PPP1R12A: variants seen among roughly 807,000 people sequenced by gnomAD.
The protein encoded by PPP1R12A is protein phosphatase 1 regulatory subunit 12A.
PPP1R12A carries 19 observed loss-of-function variants against 139.6 expected under a neutral mutation model. The ratio of observed to expected loss-of-function variants is 0.14; its 90% CI spans 0.09 to 0.20. The LOEUF (loss-of-function observed/expected upper bound fraction) is 0.20, where lower values mean the gene tolerates loss of function less well. PPP1R12A is among the 10% of genes least tolerant of loss of function. PPP1R12A has a pLI of 1.00. For synonymous variants in PPP1R12A, 427 were observed against 420.6 expected (o/e 1.02, Z -0.19); for missense variants, 925 against 1,211.5 (o/e 0.76, Z 3.51).
At chr12:79,897,461 T>C (rs1019253993) in intron 1 of PPP1R12A, among the ~76,000 whole-genome samples, 23 of 151,986 alleles carry the variant, frequency 1.5e-4, no homozygotes, top group Admixed American at 2.0e-4. Context: ...ACCTGGGTAA[T>C]AGATACATCA....
At chr12:79,890,905 C>CCCCACA (rs1555235834) in intron 1 of PPP1R12A, among the ~76,000 whole-genome samples, 7 of 115,682 alleles carry the variant, frequency 6.1e-5, no homozygotes, top group Admixed American at 8.8e-5. Flanking sequence ...CCACACCCAC[C>CCCCACA]CACACACACA....
At chr12:79,793,827 T>C in intron 19 of PPP1R12A, 36 bp downstream of exon 19, 3 of 1,458,758 alleles carry the variant, frequency 2.1e-6, no homozygotes, top group South Asian at 1.2e-5. Flanking sequence ...TTAAAAAATA[T>C]GAATACTTCT....
intron 9 of PPP1R12A, among the ~76,000 whole-genome samples, chr12:79,810,724 A>C (rs1874421110): frequency 7.2e-6 from 1 of 139,054 alleles, no homozygotes; most frequent in Non-Finnish European, 1.5e-5. Context: ...TAAACTTCTA[A>C]AGCAATTAAA....
rs551902610 is a variant in PPP1R12A at position 79,828,607 on chromosome 12, C to T, written c.648-143G>A. 4 of 677,992 alleles carry T rather than the reference C, an allele frequency of 5.9e-6. No homozygotes were observed. In the African/African-American group the frequency reaches 7.3e-5, roughly 12 times the overall value. The allele number at this position is 677,992 out of a possible 1,614,324, so 42.0% of individuals were successfully genotyped here. A position where few individuals can be genotyped will look rare whatever the true frequency, so the allele number is the denominator to read the frequency against. ...ACATCCTTCCCCCTCAATGAATTAA[C>T]TATGGCAAATACAAAGTAATTCTCA... On this transcript the variant is annotated intron_variant, in intron 4 of 24. Transcript: ENST00000450142.
intron 1 of PPP1R12A, among the ~76,000 whole-genome samples, chr12:79,886,134 T>C (rs182441395): frequency 1.8e-3 from 271 of 152,310 alleles, no homozygotes; most frequent in Middle Eastern, 3.4e-3. Flanking sequence ...AGGAACTGAA[T>C]TGGATACTGT....
At chr12:79,935,253 G>C, upstream of PPP1R12A, 1 of 1,141,742 alleles carries the variant, frequency 8.8e-7, no homozygotes, top group African/African-American at 1.6e-5. Context: ...CCCTGGGCCT[G>C]TGCCCGCCCC....
intron 17 of PPP1R12A, 89 bp from the exon 18 acceptor site, chr12:79,795,848 CA>C (rs1449531482): frequency 2.8e-5 from 38 of 1,342,532 alleles, no homozygotes; most frequent in Non-Finnish European, 3.9e-5. Flanking sequence ...TAAAATGGGC[CA>C]GGGGACTATC....
intron 8 of PPP1R12A, 93 bp from the exon 9 acceptor site, chr12:79,817,611 G>GTTAAACAAAACTTTTT: frequency 7.9e-7 from 1 of 1,272,678 alleles, no homozygotes. Context: ...TTTTGTTTAA[G>GTTAAACAAAACTTTTT]GTTTTGTTAA....
At chr12:79,842,336 C>A (rs1444433609) in intron 3 of PPP1R12A, among the ~76,000 whole-genome samples, 4 of 152,120 alleles carry the variant, frequency 2.6e-5, no homozygotes, top group African/African-American at 9.7e-5. Context: ...AACCCGCAGT[C>A]ATTAGGAATT....
At chr12:79,902,142 G>T (rs968743582) in intron 1 of PPP1R12A, among the ~76,000 whole-genome samples, 2 of 152,150 alleles carry the variant, frequency 1.3e-5, no homozygotes, top group Admixed American at 1.3e-4. Flanking sequence ...CTTAAAGAGT[G>T]TCAACTACTT....
intron 1 of PPP1R12A, among the ~76,000 whole-genome samples, chr12:79,881,059 A>T (rs1883593385): frequency 6.6e-6 from 1 of 151,934 alleles, no homozygotes; most frequent in Non-Finnish European, 1.5e-5. Flanking sequence ...TGCTCTGACC[A>T]CTCCACAAAC....
In PPP1R12A at chr12:79,797,390, C is replaced by A. The variant is rs746312139; in HGVS notation, c.2097G>T (p.Val699=). ...ARQSRRSTQG[V]TLTDLQEAEK... ...CAGCTTCTTGAAGATCAGTTAATGT[C>A]ACTCCCTGCACACACAAAAAGATCA... The change falls in exon 16 of 25, where the codon GTG becomes GTT. Residue 699 remains valine (V), a synonymous_variant. Coordinates refer to ENST00000450142, the MANE Select transcript of PPP1R12A (RefSeq NM_002480.3). 1 of 1,585,698 alleles carries A rather than the reference C, an allele frequency of 6.3e-7. No homozygotes were observed. The highest frequency in any genetic ancestry group is 8.6e-7 in the Non-Finnish European group (1 of 1,169,302).
intron 1 of PPP1R12A, among the ~76,000 whole-genome samples, chr12:79,931,635 T>C (rs908477662): frequency 6.6e-6 from 1 of 152,184 alleles, no homozygotes; most frequent in Non-Finnish European, 1.5e-5. Flanking sequence ...TATAATCACA[T>C]ACTGTAAAAC....
chr12:79,930,386 T>A (rs927559029), intron 1 of PPP1R12A, among the ~76,000 whole-genome samples: 2 of 152,122 alleles, frequency 1.3e-5, no homozygotes, highest in African/African-American at 4.8e-5. Flanking sequence ...AATGATACTG[T>A]TCAAAGATTA....
rs769011061 is a variant in PPP1R12A at position 79,793,942 on chromosome 12, G to A, written c.2584-14C>T. On this transcript the variant is annotated splice_polypyrimidine_tract_variant and intron_variant, in intron 18 of 24. Coordinates refer to ENST00000450142, the MANE Select transcript of PPP1R12A (RefSeq NM_002480.3). ...ATTTTCATCACTCTAAAAACAGATT[G>A]CCAATTTATATTTTAGGAAATTTTA... The A allele has an allele frequency of 5.8e-6, 9 of 1,539,528 alleles. No individual in the cohort carries two copies. Among genetic ancestry groups the A allele is most frequent in the Non-Finnish European group, 6.1e-6 (7 of 1,150,330 alleles).
At chr12:79,836,811 A>G (rs565685290) in intron 3 of PPP1R12A, among the ~76,000 whole-genome samples, 2 of 152,154 alleles carry the variant, frequency 1.3e-5, no homozygotes, top group African/African-American at 4.8e-5. Flanking sequence ...GCTTCTTTGG[A>G]TATTAGTAAG....
chr12:79,917,390 CAGG>C (rs1887081001), intron 1 of PPP1R12A, among the ~76,000 whole-genome samples: 1 of 146,612 alleles, frequency 6.8e-6, no homozygotes, highest in Non-Finnish European at 1.5e-5. Context: ...GAGGCTGAGG[CAGG>C]AGAATTGCTT....
chr12:79,820,538 C>CTTTAA lies in PPP1R12A; in HGVS notation c.1114+231_1114+235dup, dbSNP rs375254367. Among the ~76,000 whole-genome samples the CTTTAA allele has an allele frequency of 4.2e-3, 637 of 152,232 alleles. 2 individuals carry two copies. The highest frequency in any genetic ancestry group is 0.015 in the African/African-American group (606 of 41,532). On this transcript the variant is annotated intron_variant, in intron 8 of 24. Coordinates refer to ENST00000450142, the MANE Select transcript of PPP1R12A (RefSeq NM_002480.3). ...GGAGTCTTAGAAGCCTCTGCAACTT[C>CTTTAA]TTTAAATATAGGTCGGCAAAATGCA... is the stretch of plus-strand genomic sequence containing the variant.
At chr12:79,823,651 T>C (rs544552535) in intron 5 of PPP1R12A, 1 of 151,534 alleles carries the variant, frequency 6.6e-6, no homozygotes, top group Non-Finnish European at 1.5e-5. Context: ...TGGAGTGCAC[T>C]GGCACGATCG....
Sources: gnomAD v4.1 joint callset for allele counts (sites outside exome capture counted in the v4.1 genomes callset) on GRCh38, gnomAD v4.1.1 for gene constraint, MANE v1.5 for transcripts, NCBI Gene and HGNC (gene_info 2026-07-23, HGNC 2026-07-21) for gene names.